The following KIAA0408 variants were observed in gnomAD, a reference collection of about 807,000 sequenced individuals.
KIAA0408 encodes uncharacterized protein KIAA0408.
Under a neutral mutation model 60.9 loss-of-function variants are expected in KIAA0408, and 51 were observed. The ratio of observed to expected loss-of-function variants is 0.84; its 90% CI spans 0.67 to 1.06. The LOEUF (loss-of-function observed/expected upper bound fraction) is 1.06. KIAA0408 is among the 50% of genes least tolerant of loss of function. KIAA0408 has a pLI of 0.00. For missense variants in KIAA0408, 787 were observed against 833.9 expected (o/e 0.94, Z 0.69); for synonymous variants, 304 against 282.4 (o/e 1.08, Z -0.77).
rs1339761218 is a variant in KIAA0408, at chr6:127,440,589, G to C, written c.*3520C>G. 2 of 152,122 alleles carry C rather than the reference G, an allele frequency of 1.3e-5. No individual in the cohort carries two copies. Among genetic ancestry groups the C allele is most frequent in the African/African-American group, 4.8e-5 (2 of 41,422 alleles). 9.4% of individuals were successfully genotyped at this position (152,122 alleles called of 1,614,324 possible). On this transcript the variant is annotated 3_prime_UTR_variant, in exon 6 of 6. Transcript: ENST00000483725. ...GATCCCCCCACCTTGGCCTCCCAAA[G>C]TGCTGGGATTACAGGCAAGAGCCAC...
Position 127,446,729 on chromosome 6 carries a change from A to G in KIAA0408, c.1590T>C (p.Pro530=). 1 of 1,613,948 alleles carries G rather than the reference A, an allele frequency of 6.2e-7. No individual in the cohort carries two copies. The highest frequency in any genetic ancestry group is 8.5e-7 in the Non-Finnish European group (1 of 1,179,998). The change falls in exon 5 of 6, where the codon CCT becomes CCC. Residue 530 remains proline, a synonymous_variant. Transcript: ENST00000483725. ...LVRQMQGHLS[P]RSYRNMLHEH... is the part of the protein sequence containing the mutation. Reference sequence around the variant, plus strand: ...CGTGGAGCATATTTCGATAACTGCGAGGACTTAGGTGTCCCTGCATTTGTC... The same window carrying G: ...CGTGGAGCATATTTCGATAACTGCGGGGACTTAGGTGTCCCTGCATTTGTC...
intron 4 of KIAA0408, among the ~76,000 whole-genome samples, chr6:127,448,336 T>C (rs1773240492): frequency 6.6e-6 from 1 of 152,174 alleles, no homozygotes; most frequent in African/African-American, 2.4e-5. Flanking sequence ...TTAAATACTA[T>C]GGCTACTCGA....
chr6:127,450,431 G>T (rs1229478030), intron 2 of KIAA0408, 79 bp from the exon 3 acceptor site: 4 of 1,467,342 alleles, frequency 2.7e-6, no homozygotes, highest in Non-Finnish European at 3.6e-6. Flanking sequence ...TAAGCAAACC[G>T]CTTTGAGTTC....
rs1398559760 is a variant in KIAA0408, at chr6:127,446,703, T to C, written c.1616A>G (p.Glu539Gly). The C allele has an allele frequency of 6.2e-7, 1 of 1,613,880 alleles. No homozygotes were observed. ...SPRSYRNMLH[E>G]HDWRPSNLSG... ...CAAATTACTCGGTCTCCAGTCATGC[T>C]CGTGGAGCATATTTCGATAACTGCG... The change falls in exon 5 of 6, where the codon GAG (glutamate) becomes GGG (glycine). Residue 539 changes from glutamate to glycine, a missense_variant. Physicochemically the swap from Glu to Gly is moderately conservative, Grantham distance 98 (BLOSUM62 -2). Around this residue, in one of 3 missense-constraint regions of KIAA0408, gnomAD observed 640 missense variants for 681.3 expected, o/e 0.94. Coordinates refer to ENST00000483725, the MANE Select transcript of KIAA0408 (RefSeq NM_014702.5).
Position 127,450,298 on chromosome 6 carries a change from T to A in KIAA0408, c.190A>T (p.Ile64Phe), listed in dbSNP as rs971758372. ...RKININESAKIIDLYHEKTIP... is the reference protein window; with the variant it reads ...RKININESAKFIDLYHEKTIP... Reference sequence around the variant, plus strand: ...GTCTTCTCATGGTAAAGATCAATGATCTTAGCACTTTCATTGATATTGATT... The same window carrying A: ...GTCTTCTCATGGTAAAGATCAATGAACTTAGCACTTTCATTGATATTGATT... The change falls in exon 3 of 6, where the codon ATC becomes TTC. Residue 64 changes from isoleucine (I) to phenylalanine (F), a missense_variant. Ile to Phe is a conservative substitution (Grantham distance 21). Coordinates refer to ENST00000483725, the MANE Select transcript of KIAA0408 (RefSeq NM_014702.5). 23 of 1,612,556 alleles carry A rather than the reference T, an allele frequency of 1.4e-5. No homozygotes were observed. The highest frequency in any genetic ancestry group is 1.9e-5 in the Non-Finnish European group (22 of 1,179,662).
intron 1 of KIAA0408, among the ~76,000 whole-genome samples, chr6:127,458,624 G>A (rs1773435901): frequency 6.6e-6 from 1 of 152,148 alleles, no homozygotes; most frequent in Non-Finnish European, 1.5e-5. Flanking sequence ...ATAGTGGTAA[G>A]TTTCCCTCCT....
chr6:127,445,685 T>C (rs1773179130), intron 5 of KIAA0408, among the ~76,000 whole-genome samples: 1 of 152,204 alleles, frequency 6.6e-6, no homozygotes, highest in African/African-American at 2.4e-5. Flanking sequence ...AACTCTTCTT[T>C]GTAAATACCA....
Position 127,447,522 on chromosome 6 carries a change from G to A in KIAA0408, c.797C>T (p.Pro266Leu). Residue 266 changes from proline (P) to leucine (L), a missense_variant, in exon 5 of 6, where the codon CCA becomes CTA. Around this residue, in one of 3 missense-constraint regions of KIAA0408, gnomAD observed 640 missense variants for 681.3 expected, o/e 0.94. Transcript: ENST00000483725. ...AGAGGTGCTTCTTGGAGGAGGAACTGGTGGAGTTTCATTTCTTTTTAAATC... is the reference window on the plus strand; with the variant it reads ...AGAGGTGCTTCTTGGAGGAGGAACTAGTGGAGTTTCATTTCTTTTTAAATC... ...TIDLKRNETP[P>L]VPPPRSTSRN... The A allele has an allele frequency of 6.2e-7, 1 of 1,610,418 alleles. No individual in the cohort carries two copies. Among genetic ancestry groups the A allele is most frequent in the Non-Finnish European group, 8.5e-7 (1 of 1,179,064 alleles).
At chr6:127,455,610 ATTG>A (rs1399446792) in intron 1 of KIAA0408, among the ~76,000 whole-genome samples, 1 of 152,070 alleles carries the variant, frequency 6.6e-6, no homozygotes, top group Non-Finnish European at 1.5e-5. Flanking sequence ...TGGGATCTAT[ATTG>A]TTACTTTACT....
chr6:127,447,934 G>A (rs1207921042), intron 4 of KIAA0408, among the ~76,000 whole-genome samples, 194 bp from the exon 5 acceptor site: 1 of 152,148 alleles, frequency 6.6e-6, no homozygotes, highest in Non-Finnish European at 1.5e-5. Context: ...ACCTCTCAGT[G>A]TTATATTCAA....
At chr6:127,446,293 A>C in intron 5 of KIAA0408, 115 bp downstream of exon 5, 1 of 1,496,666 alleles carries the variant, frequency 6.7e-7, no homozygotes, top group Non-Finnish European at 8.9e-7. Context: ...CAAGAGGCTA[A>C]GAAGAGTCCA....
At chr6:127,453,206 A>AG (rs1299724253) in intron 2 of KIAA0408, among the ~76,000 whole-genome samples, 4 of 152,122 alleles carry the variant, frequency 2.6e-5, no homozygotes, top group Non-Finnish European at 5.9e-5. Context: ...AAATGCTTGA[A>AG]GGAAATATTT....
At chr6:127,450,649 T>C (rs1027352399) in intron 2 of KIAA0408, 2 of 233,942 alleles carry the variant, frequency 8.5e-6, no homozygotes, top group Non-Finnish European at 1.6e-5. Flanking sequence ...AGAAACACTG[T>C]CACAAAATTA....
At position 127,449,724 on chromosome 6, in the gene KIAA0408, A is replaced by G. The variant is rs184868795; in HGVS notation, c.578+98T>C. On this transcript the variant is annotated intron_variant, in intron 4 of 5. Transcript: ENST00000483725. ...AGATAGTACATTTTAATAACTCATT[A>G]GTTCTTACATGTAAGGAGGAGGCAG... The G allele has an allele frequency of 4.1e-6, 6 of 1,457,556 alleles. No individual in the cohort carries two copies. The Admixed American group carries it at 9.7e-5, about 24-fold the overall frequency. The allele number at this position is 1,457,556 out of a possible 1,614,324, so 90.3% of individuals were successfully genotyped here. A position where few individuals can be genotyped will look rare whatever the true frequency, so the allele number is the denominator to read the frequency against.
At chr6:127,453,714 G>C in intron 2 of KIAA0408, 133 bp downstream of exon 2, 1 of 1,183,510 alleles carries the variant, frequency 8.4e-7, no homozygotes. Flanking sequence ...TTTTGTTCTA[G>C]TAAATGTCAC....
intron 2 of KIAA0408, chr6:127,451,218 T>A (rs1162495735): frequency 2.3e-6 from 1 of 433,152 alleles, no homozygotes; most frequent in East Asian, 7.3e-5. Context: ...ACAGCCGCAA[T>A]CAATATCTAC....
chr6:127,444,604 C>T (rs1264033036), intron 5 of KIAA0408, among the ~76,000 whole-genome samples: 1 of 152,070 alleles, frequency 6.6e-6, no homozygotes, highest in Non-Finnish European at 1.5e-5. Flanking sequence ...CATGGAAATA[C>T]AGATGTTTCT....
Position 127,447,248 on chromosome 6 carries a change from T to G in KIAA0408, c.1071A>C (p.Gly357=). The G allele has an allele frequency of 6.2e-7, 1 of 1,613,892 alleles. No individual in the cohort carries two copies. Among genetic ancestry groups the G allele is most frequent in the South Asian group, 1.1e-5 (1 of 91,026 alleles). Residue 357 remains glycine, a synonymous_variant, in exon 5 of 6, where the codon GGA becomes GGC. Transcript: ENST00000483725. ...DSKPPSNEDV[G]LSMWSCDIGI... ...CAATGTCACATGACCACATGCTAAGTCCAACATCTTCATTACTTGGAGGCT... is the reference window on the plus strand; with the variant it reads ...CAATGTCACATGACCACATGCTAAGGCCAACATCTTCATTACTTGGAGGCT...
rs1354158307 is a variant in KIAA0408, at chr6:127,447,431, G to C, written c.888C>G (p.Asn296Lys). Residue 296 changes from asparagine to lysine, a missense_variant, in exon 5 of 6, where the codon AAC becomes AAG. Transcript: ENST00000483725. ...YERWKERLDH[N>K]SWVPHEGRSK... ...TTCGACCCTCATGGGGCACCCAGCT[G>C]TTGTGGTCTAACCTTTCCTTCCATC... 6.2e-7 allele frequency: 1 copy of C among 1,613,830 alleles called. No homozygotes were observed. Among genetic ancestry groups the C allele is most frequent in the Non-Finnish European group, 8.5e-7 (1 of 1,179,938 alleles).
Sources: allele counts gnomAD v4.1 joint callset (sites outside exome capture counted in the v4.1 genomes callset), GRCh38; gene constraint gnomAD v4.1.1; regional missense constraint gnomAD v4.1.1; transcripts MANE v1.5; gene names NCBI Gene and HGNC (gene_info 2026-07-23, HGNC 2026-07-21).